Variants in MAGED1 observed in about 807,000 individuals in gnomAD.
MAGED1 encodes the protein melanoma-associated antigen D1.
In MAGED1, 3 loss-of-function variants were observed where a neutral mutation model predicts 54.1. That is an observed-to-expected ratio of 0.06 (90% CI 0.03 to 0.14). The LOEUF is 0.14. Ranked by LOEUF, MAGED1 falls within the 10% of genes least tolerant of loss-of-function variation. The probability of loss-of-function intolerance (pLI) is 1.00; values close to 1 mark genes in which losing one functional copy is unlikely to be tolerated. For synonymous variants in MAGED1, 217 were observed against 227.3 expected, an observed-to-expected ratio of 0.95 and a Z score of 0.41; for missense variants, 485 against 623.4, an observed-to-expected ratio of 0.78 and a Z score of 2.36.
At chrX:51,897,345 G>A (rs970922253) in intron 5 of MAGED1, 74 bp downstream of exon 5, 15 of 999,724 alleles carry the variant, frequency 1.5e-5, no homozygotes, top group South Asian at 2.0e-5. Context: ...TCTTCTGCTT[G>A]TAGCTCTGCC....
At position 51,901,915 on chromosome X, in the gene MAGED1, C is replaced by T; in HGVS notation, c.2322C>T (p.Phe774=). The part of the protein sequence containing the change: ...NFAANFGAIG[F]FWVE ...CTGCCAACTTTGGTGCCATTGGTTT[C>T]TTCTGGGTTGAGTGAGATGTTGGGT... The change falls in exon 12 of 13, where the codon TTC becomes TTT. Residue 774 remains phenylalanine (F), a synonymous_variant. Coordinates refer to ENST00000326587, the MANE Select transcript of MAGED1 (RefSeq NM_006986.4). The T allele has an allele frequency of 8.3e-7, 1 of 1,205,621 alleles. No individual in the cohort carries two copies. Among genetic ancestry groups the T allele is most frequent in the Non-Finnish European group, 1.1e-6 (1 of 892,756 alleles).
intron 2 of MAGED1, chrX:51,894,646 C>T: frequency 8.4e-7 from 1 of 1,193,686 alleles, no homozygotes; most frequent in Non-Finnish European, 1.1e-6. Context: ...GCTTGTAGAG[C>T]AGTCTGTCAC....
chrX:51,854,836 C>T (rs1187728644), intron 1 of MAGED1, among the ~76,000 whole-genome samples: 1 of 110,650 alleles, frequency 9.0e-6, no homozygotes, highest in Non-Finnish European at 1.9e-5. Flanking sequence ...CCCAGTTACT[C>T]CTCTCTCCTC....
At chrX:51,830,225 A>T (rs991521273) in intron 1 of MAGED1, among the ~76,000 whole-genome samples, 12 of 111,612 alleles carry the variant, frequency 1.1e-4, no homozygotes, top group Non-Finnish European at 1.9e-5. Context: ...TAAACTTAAA[A>T]CATACAAAAA....
intron 1 of MAGED1, among the ~76,000 whole-genome samples, chrX:51,879,871 A>G (rs1368544792): frequency 8.9e-6 from 1 of 111,909 alleles, no homozygotes; most frequent in Non-Finnish European, 1.9e-5. Flanking sequence ...GAAGAAAAGC[A>G]TGGGGAAGCA....
At chrX:51,818,939 A>G in intron 1 of MAGED1, among the ~76,000 whole-genome samples, 1 of 112,324 alleles carries the variant, frequency 8.9e-6, no homozygotes, top group East Asian at 2.8e-4. Context: ...GAAGGCACTC[A>G]TTTCATTTCT....
chrX:51,819,522 T>C (rs1557356343), intron 1 of MAGED1, among the ~76,000 whole-genome samples: 2 of 111,222 alleles, frequency 1.8e-5, no homozygotes, highest in Non-Finnish European at 3.8e-5. Flanking sequence ...TAGTACCTGA[T>C]TGAGGTTCTT....
intron 1 of MAGED1, among the ~76,000 whole-genome samples, chrX:51,806,749 C>G (rs782123826): frequency 9.2e-6 from 1 of 108,783 alleles, no homozygotes; most frequent in Admixed American, 1.0e-4. Context: ...ATACTGCCAG[C>G]CAGCTTTCCA....
chrX:51,890,832 CAA>C (rs11393540), upstream of MAGED1, among the ~76,000 whole-genome samples: 10 of 62,865 alleles, frequency 1.6e-4, no homozygotes, highest in Non-Finnish European at 2.1e-4. Context: ...ATAAGATTGG[CAA>C]AAAAAAAAAA....
intron 1 of MAGED1, among the ~76,000 whole-genome samples, chrX:51,828,337 T>C (rs1557357104): frequency 8.9e-6 from 1 of 112,059 alleles, no homozygotes; most frequent in Non-Finnish European, 1.9e-5. Context: ...TTTCATACAT[T>C]GTAGTGTTTT....
At chrX:51,874,412 CTG>C (rs1475735505) in intron 1 of MAGED1, among the ~76,000 whole-genome samples, 1 of 111,182 alleles carries the variant, frequency 9.0e-6, no homozygotes. Flanking sequence ...GTTGAAGGAT[CTG>C]TGGATGGGAT....
intron 1 of MAGED1, among the ~76,000 whole-genome samples, chrX:51,887,654 C>T (rs980598653): frequency 9.1e-6 from 1 of 109,845 alleles, no homozygotes; most frequent in Non-Finnish European, 1.9e-5. Flanking sequence ...CCCCCTGCCC[C>T]CTCCCCGCTG....
chrX:51,889,440 CA>C (rs1162931785), upstream of MAGED1, among the ~76,000 whole-genome samples: 7 of 108,079 alleles, frequency 6.5e-5, no homozygotes, highest in African/African-American at 2.4e-4. Context: ...CCAGCCTGGC[CA>C]ACATGGTGAA....
At chrX:51,849,748 G>T (rs1188907669) in intron 1 of MAGED1, among the ~76,000 whole-genome samples, 2 of 109,732 alleles carry the variant, frequency 1.8e-5, no homozygotes, top group Non-Finnish European at 3.8e-5. Flanking sequence ...ATTTTGCTAG[G>T]GTTTTATATA....
chrX:51,894,298 A>G lies in MAGED1; in HGVS notation c.-7A>G. On this transcript the variant is annotated 5_prime_UTR_variant, in exon 2 of 13. Coordinates refer to ENST00000326587, the MANE Select transcript of MAGED1 (RefSeq NM_006986.4). ...CAGGCTCCGCTCTTGCCAGAGGGAC[A>G]GGAGCCATGGCTCAGAAAATGGACT... 1 of 1,198,535 alleles carries G rather than the reference A, an allele frequency of 8.3e-7. No homozygotes were observed. Among genetic ancestry groups the G allele is most frequent in the South Asian group, 1.8e-5 (1 of 54,747 alleles).
intron 1 of MAGED1, among the ~76,000 whole-genome samples, chrX:51,803,724 C>T (rs1262000137): frequency 1.2e-5 from 1 of 81,366 alleles, no homozygotes; most frequent in Non-Finnish European, 2.3e-5. Context: ...AAATGATGTT[C>T]TTTTTTTTTT....
In MAGED1 at chrX:51,897,778, T is replaced by A; in HGVS notation, c.1567-17T>A. ...CTAGATGTTGTAATTTCATAGTCTG[T>A]TTTCTTGCCCCTGTAGAAATTTGGG... On this transcript the variant is annotated splice_polypyrimidine_tract_variant and intron_variant, in intron 6 of 12. Transcript: ENST00000326587. 8.5e-7 allele frequency: 1 copy of A among 1,170,764 alleles called. No individual in the cohort carries two copies. Among genetic ancestry groups the A allele is most frequent in the East Asian group, 3.0e-5 (1 of 33,510 alleles).
intron 1 of MAGED1, among the ~76,000 whole-genome samples, chrX:51,826,557 T>A (rs1456963588): frequency 1.8e-5 from 2 of 111,440 alleles, no homozygotes; most frequent in Non-Finnish European, 3.8e-5. Flanking sequence ...ATAAACTGAT[T>A]AAAAAATAGG....
chrX:51,880,003 C>G (rs1275434289), intron 1 of MAGED1, among the ~76,000 whole-genome samples: 1 of 112,560 alleles, frequency 8.9e-6, no homozygotes, highest in East Asian at 2.8e-4. Flanking sequence ...TTTTGTCTCA[C>G]CTTCTGGCTA....
Sources: allele counts gnomAD v4.1 joint callset (sites outside exome capture counted in the v4.1 genomes callset), GRCh38; gene constraint gnomAD v4.1.1; transcripts MANE v1.5; gene names NCBI Gene and HGNC (gene_info 2026-07-23, HGNC 2026-07-21).